NEB: variants seen among roughly 807,000 people sequenced by gnomAD.
NEB encodes nebulin, also known as nemaline myopathy type 2.
A neutral mutation model predicts 952.2 loss-of-function variants in NEB; 512 were observed. The observed-to-expected ratio is 0.54, with a 90% CI of 0.50 to 0.58. The LOEUF (loss-of-function observed/expected upper bound fraction) is 0.58, where lower values mean the gene tolerates loss of function less well. NEB is among the 20% of genes least tolerant of loss of function. The pLI is 0.00. For synonymous variants in NEB, 2,900 were observed against 3,149.8 expected (o/e 0.92, Z 2.66); for missense variants, 8,428 against 9,231.1 (o/e 0.91, Z 3.56).
chr2:151,507,350 C>CA (rs2070019749), intron 162 of NEB, among the ~76,000 whole-genome samples: 1 of 152,158 alleles, frequency 6.6e-6, no homozygotes, highest in Admixed American at 6.5e-5. Flanking sequence ...TACACTACCC[C>CA]AAAATAATGG....
chr2:151,679,380 A>G (rs1419432836), intron 32 of NEB, among the ~76,000 whole-genome samples: 1 of 152,206 alleles, frequency 6.6e-6, no homozygotes, highest in Non-Finnish European at 1.5e-5. Context: ...ATAAATTAAT[A>G]AAGTTTTGAG....
rs556985148 is a variant in NEB, at chr2:151,552,589, C to T, written c.19836+83G>A. 5 of 903,252 alleles carry T rather than the reference C, an allele frequency of 5.5e-6. No individual in the cohort carries two copies. The Admixed American group carries it at 1.0e-4, about 19-fold the overall frequency. 56.0% of individuals were successfully genotyped at this position (903,252 alleles called of 1,614,324 possible). On this transcript the variant is annotated intron_variant, in intron 128 of 181. Transcript: ENST00000397345. ...CCAGTTAGAAAAGACTTGGCACTGC[C>T]CAGTCTATGGTTTTTGCCACCTCTG...
rs761950154 is a variant in NEB at position 151,663,807 on chromosome 2, C to T, written c.5504G>A (p.Arg1835Gln). 29 of 1,613,616 alleles carry T rather than the reference C, an allele frequency of 1.8e-5. No homozygotes were observed. The highest frequency in any genetic ancestry group is 1.4e-4 in the South Asian group (13 of 91,080). The stretch of plus-strand genomic sequence containing the variant: ...CAGCTTGGGGTCATCTTCCAGGCTC[C>T]GGAAGCCAATGTGTTTCCCTTTGGC... ...EQAKGKHIGF[R>Q]SLEDDPKLVH... Residue 1835 changes from arginine to glutamine, a missense_variant, in exon 45 of 182, where the codon CGG (arginine) becomes CAG (glutamine). By Grantham distance (43) the Arg-to-Gln change is conservative (BLOSUM62 1). Around this residue, in one of 11 missense-constraint regions of NEB, gnomAD observed 2,851 missense variants for 2,791.5 expected, o/e 1.02. Transcript: ENST00000397345.
intron 171 of NEB, 97 bp downstream of exon 171, chr2:151,497,529 T>C (rs1339752418): frequency 6.7e-7 from 1 of 1,502,332 alleles, no homozygotes; most frequent in African/African-American, 1.4e-5. Context: ...AAAATTTAAG[T>C]TGTCTTTAAA....
chr2:151,507,434 A>C (rs1214522565), intron 162 of NEB, among the ~76,000 whole-genome samples: 1 of 152,154 alleles, frequency 6.6e-6, no homozygotes, highest in Non-Finnish European at 1.5e-5. Context: ...TGAAGCAGAT[A>C]ATAATTATCT....
chr2:151,725,409 T>C (rs761543597), intron 6 of NEB, 44 bp downstream of exon 6: 1 of 1,478,786 alleles, frequency 6.8e-7, no homozygotes, highest in Non-Finnish European at 9.4e-7. Context: ...GCAGTAGGTG[T>C]ATTTTGAAAT....
Position 151,553,440 on chromosome 2 carries a change from A to G in NEB, c.19689T>C (p.Pro6563=), listed in dbSNP as rs1345707996. Residue 6563 remains proline, a synonymous_variant, in exon 127 of 182, where the codon CCT becomes CCC. Transcript: ENST00000397345. The part of the protein sequence containing the change: ...KGIGCYVWDT[P]EILHAKHAYD... ...AAGCATGCTTGGCATGGAGGATTTCAGGAGTGTCCCAGACGTAGCAACCAA... is the reference window on the plus strand; with the variant it reads ...AAGCATGCTTGGCATGGAGGATTTCGGGAGTGTCCCAGACGTAGCAACCAA... 3.7e-6 allele frequency: 6 copies of G among 1,613,686 alleles called. No individual in the cohort carries two copies. Among genetic ancestry groups the G allele is most frequent in the Non-Finnish European group, 5.1e-6 (6 of 1,179,710 alleles).
chr2:151,488,681 G>A (rs930890322), intron 181 of NEB, among the ~76,000 whole-genome samples: 1 of 151,876 alleles, frequency 6.6e-6, no homozygotes, highest in Non-Finnish European at 1.5e-5. Context: ...ATTATTCTTT[G>A]TACTTCTACA....
intron 64 of NEB, 56 bp downstream of exon 64, chr2:151,636,171 C>T: frequency 7.1e-7 from 1 of 1,398,808 alleles, no homozygotes; most frequent in East Asian, 2.3e-5. Context: ...AGATTTAGTT[C>T]AGTGAAAATG....
At position 151,640,418 on chromosome 2, in the gene NEB, C is replaced by A; in HGVS notation, c.8622G>T (p.Trp2874Cys). 6.2e-7 allele frequency: 1 copy of A among 1,613,960 alleles called. No individual in the cohort carries two copies. The highest frequency in any genetic ancestry group is 8.5e-7 in the Non-Finnish European group (1 of 1,179,874). ...DVDYKNYLHQ[W>C]TCLPDQSDVI... ...CGTCGCTCTGGTCGGGCAGGCATGTCCACTGGTGCAGGTAGTTCTTGTAGT... is the reference window on the plus strand; with the variant it reads ...CGTCGCTCTGGTCGGGCAGGCATGTACACTGGTGCAGGTAGTTCTTGTAGT... The change falls in exon 61 of 182, where the codon TGG (tryptophan) becomes TGT (cysteine). Residue 2874 changes from tryptophan to cysteine, a missense_variant. Coordinates refer to ENST00000397345, the MANE Select transcript of NEB (RefSeq NM_001164508.2).
Position 151,609,825 on chromosome 2 carries a change from T to C in NEB, c.12314A>G (p.Tyr4105Cys). The change falls in exon 81 of 182, where the codon TAT becomes TGT. Residue 4105 changes from tyrosine to cysteine, a missense_variant. Tyr to Cys is a radical substitution (Grantham distance 194, BLOSUM62 -2). This residue lies in a region of NEB where 337 missense variants were observed against 297.5 expected (regional missense o/e 1.13). Transcript: ENST00000397345. ...GTTACGTACATCACTCTGCAGGTCATAGGCCTTTTTTGCTTGGATAATGTC... is the reference window on the plus strand; with the variant it reads ...GTTACGTACATCACTCTGCAGGTCACAGGCCTTTTTTGCTTGGATAATGTC... ...QNDIIQAKKA[Y>C]DLQSDSVYKA... is the part of the protein sequence containing the mutation. 1 of 1,592,222 alleles carries C rather than the reference T, an allele frequency of 6.3e-7. No homozygotes were observed. Among genetic ancestry groups the C allele is most frequent in the Non-Finnish European group, 8.6e-7 (1 of 1,168,148 alleles).
chr2:151,654,714 T>C (rs950641726), intron 51 of NEB, among the ~76,000 whole-genome samples: 2 of 152,182 alleles, frequency 1.3e-5, no homozygotes, highest in East Asian at 1.9e-4. Flanking sequence ...TCCAATGTCA[T>C]AGGCACTTTT....
Position 151,504,257 on chromosome 2 carries a change from G to A in NEB, c.23743-816C>T, listed in dbSNP as rs1384537001. ...TCTTAAAATCAGTGACAAGCTAGGC[G>A]TGATAGCTTTGTTTTGCAAGGAAGC... On this transcript the variant is annotated intron_variant, in intron 165 of 181. Coordinates refer to ENST00000397345, the MANE Select transcript of NEB (RefSeq NM_001164508.2). Among the ~76,000 whole-genome samples the A allele has an allele frequency of 4.6e-5, 7 of 152,248 alleles. No homozygotes were observed. In the East Asian group the frequency reaches 7.7e-4, roughly 17 times the overall value.
intron 158 of NEB, 72 bp downstream of exon 158, chr2:151,514,746 G>T: frequency 9.2e-7 from 1 of 1,090,588 alleles, no homozygotes; most frequent in South Asian, 1.5e-5. Flanking sequence ...ATGGTAGGAG[G>T]AACACATTAA....
intron 135 of NEB, among the ~76,000 whole-genome samples, chr2:151,542,260 T>A (rs2094164060): frequency 6.6e-6 from 1 of 152,150 alleles, no homozygotes; most frequent in Non-Finnish European, 1.5e-5. Context: ...AAGGCTGCTG[T>A]TAACTGGGGT....
chr2:151,555,880 A>AC (rs1205479777), intron 124 of NEB, among the ~76,000 whole-genome samples: 1 of 151,582 alleles, frequency 6.6e-6, no homozygotes, highest in Non-Finnish European at 1.5e-5. Context: ...TTAAAAAAAA[A>AC]AAAAACACAT....
chr2:151,559,962 C>A (rs750360947), intron 124 of NEB, among the ~76,000 whole-genome samples: 2 of 151,862 alleles, frequency 1.3e-5, no homozygotes, highest in African/African-American at 4.8e-5. Flanking sequence ...AACACACACA[C>A]GCAAAAAGGT....
intron 13 of NEB, among the ~76,000 whole-genome samples, chr2:151,700,870 T>G (rs1477467470): frequency 9.6e-6 from 1 of 104,140 alleles, no homozygotes; most frequent in Non-Finnish European, 2.1e-5. Context: ...TTCTCCTGCC[T>G]AATTGCCCTG....
At chr2:151,536,974 A>C (rs2153543623) in intron 141 of NEB, among the ~76,000 whole-genome samples, 158 bp downstream of exon 141, 1 of 152,328 alleles carries the variant, frequency 6.6e-6, no homozygotes, top group South Asian at 2.1e-4. Flanking sequence ...AAAACCCAAG[A>C]GTTTCCTAGC....
Sources: gnomAD v4.1 joint callset for allele counts (sites outside exome capture counted in the v4.1 genomes callset) on GRCh38, gnomAD v4.1.1 for gene constraint, gnomAD v4.1.1 regional missense constraint, MANE v1.5 for transcripts, NCBI Gene and HGNC (gene_info 2026-07-23, HGNC 2026-07-21) for gene names.